Variants in RAB2A observed in about 807,000 individuals in gnomAD.
The protein encoded by RAB2A is RAB2A, member RAS oncogene family, also known as ras-related protein Rab-2A.
In RAB2A, 7 loss-of-function variants were observed where a neutral mutation model predicts 32.5. That is an observed-to-expected ratio of 0.22 (90% CI 0.12 to 0.40). The LOEUF is 0.40. Ranked by LOEUF, RAB2A falls within the 10% of genes least tolerant of loss-of-function variation. RAB2A has a pLI of 1.00. For missense variants in RAB2A, 108 were observed against 260.7 expected (o/e 0.41, Z 4.03); for synonymous variants, 79 against 85.2 (o/e 0.93, Z 0.40).
At chr8:60,600,902 T>C (rs1804123911) in intron 6 of RAB2A, among the ~76,000 whole-genome samples, 2 of 152,240 alleles carry the variant, frequency 1.3e-5, no homozygotes. Context: ...AATGTAGTTT[T>C]GTATGAAGTC....
intron 6 of RAB2A, among the ~76,000 whole-genome samples, chr8:60,611,999 T>G (rs550992977): frequency 6.6e-6 from 1 of 152,318 alleles, no homozygotes; most frequent in East Asian, 1.9e-4. Flanking sequence ...CTGGGATACA[T>G]GTGCTGAACA....
At chr8:60,615,813 AC>A (rs1176290864) in intron 6 of RAB2A, among the ~76,000 whole-genome samples, 1 of 152,186 alleles carries the variant, frequency 6.6e-6, no homozygotes, top group African/African-American at 2.4e-5. Context: ...TACTTTTAAA[AC>A]AAGTATATTA....
chr8:60,546,081 A>C (rs1041834756), intron 1 of RAB2A, among the ~76,000 whole-genome samples: 7 of 152,222 alleles, frequency 4.6e-5, no homozygotes, highest in Admixed American at 6.5e-5. Context: ...AAGTTAGTAC[A>C]TAGTAATTGT....
intron 6 of RAB2A, among the ~76,000 whole-genome samples, chr8:60,615,562 T>C (rs1804435555): frequency 6.6e-6 from 1 of 152,194 alleles, no homozygotes; most frequent in Non-Finnish European, 1.5e-5. Context: ...TCCCAGCCAA[T>C]GTGTTATATA....
chr8:60,517,275 G>T (rs1481552597), intron 1 of RAB2A, 22 bp downstream of exon 1: 3 of 1,478,724 alleles, frequency 2.0e-6, no homozygotes, highest in Non-Finnish European at 2.7e-6. Context: ...GGGCGCGGCC[G>T]GGCGGGTGTC....
chr8:60,622,679 G>A lies in RAB2A; in HGVS notation c.*1910G>A, dbSNP rs1176546370. On this transcript the variant is annotated 3_prime_UTR_variant, in exon 8 of 8. Transcript: ENST00000262646. ...ACTTTCTCCCCTAATTCTTTTATTT[G>A]AAGAAGAGAACTTAATGGCAAATAA... 1.3e-5 allele frequency: 2 copies of A among 152,082 alleles called. No individual in the cohort carries two copies. Among genetic ancestry groups the A allele is most frequent in the African/African-American group, 4.8e-5 (2 of 41,408 alleles). The allele number at this position is 152,082 out of a possible 1,614,324, so 9.4% of individuals were successfully genotyped here. A position where few individuals can be genotyped will look rare whatever the true frequency, so the allele number is the denominator to read the frequency against.
intron 5 of RAB2A, among the ~76,000 whole-genome samples, chr8:60,586,548 T>A (rs1249795656): frequency 6.6e-6 from 1 of 152,058 alleles, no homozygotes; most frequent in Non-Finnish European, 1.5e-5. Context: ...GTAAACAGAC[T>A]AAATAAATGA....
chr8:60,538,358 T>C (rs1807588597), intron 1 of RAB2A, among the ~76,000 whole-genome samples: 1 of 152,220 alleles, frequency 6.6e-6, no homozygotes, highest in African/African-American at 2.4e-5. Flanking sequence ...GTTGTATCAT[T>C]GGGAGTTCAA....
chr8:60,576,090 C>G, intron 3 of RAB2A: 1 of 386,450 alleles, frequency 2.6e-6, no homozygotes, highest in Non-Finnish European at 5.2e-6. Context: ...GGCATGAAGG[C>G]CATCAATCAG....
At chr8:60,573,640 T>G (rs1808227988) in intron 3 of RAB2A, among the ~76,000 whole-genome samples, 1 of 152,188 alleles carries the variant, frequency 6.6e-6, no homozygotes, top group African/African-American at 2.4e-5. Context: ...TCAAAACATT[T>G]GATTTACATT....
chr8:60,533,474 CAT>C (rs1332583032), intron 1 of RAB2A, among the ~76,000 whole-genome samples: 1 of 152,124 alleles, frequency 6.6e-6, no homozygotes, highest in African/African-American at 2.4e-5. Flanking sequence ...AGGTGACTGA[CAT>C]ATGAAAGAGG....
chr8:60,582,521 T>TTTTTTG (rs928926577), intron 3 of RAB2A, among the ~76,000 whole-genome samples: 1 of 152,130 alleles, frequency 6.6e-6, no homozygotes, highest in Non-Finnish European at 1.5e-5. Context: ...TTTTTGTTGT[T>TTTTTTG]TTTTTGTTTT....
chr8:60,525,562 T>C lies in RAB2A; in HGVS notation c.46+8309T>C, dbSNP rs1182226982. 3.9e-5 allele frequency among the ~76,000 whole-genome samples: 6 copies of C among 152,314 alleles called. No individual in the cohort carries two copies. The East Asian group carries it at 1.2e-3, about 29-fold the overall frequency. On this transcript the variant is annotated intron_variant, in intron 1 of 7. Coordinates refer to ENST00000262646, the MANE Select transcript of RAB2A (RefSeq NM_002865.3). ...GTCTGGCTCCATTCCCCTTTGCTCTTTCTTTCCCCATATCTTCTGAGTTTT... is the reference window on the plus strand; with the variant it reads ...GTCTGGCTCCATTCCCCTTTGCTCTCTCTTTCCCCATATCTTCTGAGTTTT...
At chr8:60,546,310 A>C (rs975673862) in intron 1 of RAB2A, among the ~76,000 whole-genome samples, 16 of 152,204 alleles carry the variant, frequency 1.1e-4, no homozygotes, top group African/African-American at 3.1e-4. Context: ...GATATTTCCT[A>C]CTTGCGATAG....
At chr8:60,580,639 C>G (rs2130846495) in intron 3 of RAB2A, among the ~76,000 whole-genome samples, 1 of 152,176 alleles carries the variant, frequency 6.6e-6, no homozygotes, top group South Asian at 2.1e-4. Context: ...TTTGCTCGAG[C>G]TTTTGTTTAA....
intron 1 of RAB2A, among the ~76,000 whole-genome samples, chr8:60,532,489 A>G (rs144237259): frequency 7.4e-4 from 113 of 152,240 alleles, no homozygotes; most frequent in African/African-American, 2.5e-3. Flanking sequence ...GTGTTGAAGA[A>G]ATTCTACTGG....
chr8:60,570,761 G>A (rs2130839474), intron 2 of RAB2A, among the ~76,000 whole-genome samples: 1 of 152,274 alleles, frequency 6.6e-6, no homozygotes. Context: ...CTGTGGGATG[G>A]AAGAAGTATT....
At chr8:60,592,136 A>G (rs1586102564) in intron 6 of RAB2A, 167 bp downstream of exon 6, 2 of 435,838 alleles carry the variant, frequency 4.6e-6, no homozygotes, top group East Asian at 7.0e-5. Flanking sequence ...CTTCTGTCAG[A>G]CTCTTAAATC....
chr8:60,594,724 C>T (rs1803996306), intron 6 of RAB2A, among the ~76,000 whole-genome samples: 2 of 152,178 alleles, frequency 1.3e-5, no homozygotes, highest in Non-Finnish European at 2.9e-5. Flanking sequence ...TGAGTGAGAA[C>T]ATGCGGTGTT....
Sources: allele counts gnomAD v4.1 joint callset (sites outside exome capture counted in the v4.1 genomes callset), GRCh38; gene constraint gnomAD v4.1.1; transcripts MANE v1.5; gene names NCBI Gene and HGNC (gene_info 2026-07-23, HGNC 2026-07-21).